Variants in EEA1 observed in about 807,000 individuals in gnomAD.
EEA1 encodes early endosome antigen 1.
In EEA1, 111 loss-of-function variants were observed where a neutral mutation model predicts 209.2. The ratio of observed to expected loss-of-function variants is 0.53; its 90% CI spans 0.45 to 0.62. The LOEUF is 0.62. Among genes scored for constraint, EEA1 ranks in the 20% least tolerant of loss-of-function variants. The pLI, the probability that EEA1 is intolerant of heterozygous loss-of-function variation, is 0.00. For synonymous variants in EEA1, 536 were observed against 540.6 expected, an observed-to-expected ratio of 0.99 and a Z score of 0.12; for missense variants, 1,343 against 1,530.8, an observed-to-expected ratio of 0.88 and a Z score of 2.05.
At chr12:92,801,571 G>T (rs1229301326) in intron 20 of EEA1, 29 bp downstream of exon 20, 1 of 1,443,864 alleles carries the variant, frequency 6.9e-7, no homozygotes, top group Non-Finnish European at 9.5e-7. Flanking sequence ...ATACTTTACA[G>T]ATTTTATGTT....
intron 8 of EEA1, among the ~76,000 whole-genome samples, chr12:92,851,700 A>G (rs1995169): frequency 0.061 from 9,314 of 152,242 alleles, 302 homozygotes; most frequent in Middle Eastern, 0.11. Context: ...TAAAGGAAAG[A>G]AAGTCAAGGA....
chr12:92,924,619 TAGTAA>T (rs1881138210), intron 1 of EEA1, among the ~76,000 whole-genome samples: 1 of 152,106 alleles, frequency 6.6e-6, no homozygotes, highest in South Asian at 2.1e-4. Flanking sequence ...ACTACACAGA[TAGTAA>T]ATGAAACAGG....
rs962493798 is a variant in EEA1, at chr12:92,793,163, C to T, written c.2968-5114G>A. On this transcript the variant is annotated intron_variant, in intron 21 of 28. Transcript: ENST00000322349. Reference sequence around the variant, plus strand: ...ACAAGAACTACTTATAGTAAACCCACAGCCAATATCATACTGAATGGGCAA... The same window carrying T: ...ACAAGAACTACTTATAGTAAACCCATAGCCAATATCATACTGAATGGGCAA... Among the ~76,000 whole-genome samples, 6 of 152,300 alleles carry T rather than the reference C, an allele frequency of 3.9e-5. No individual in the cohort carries two copies. The East Asian group carries it at 1.2e-3, about 29-fold the overall frequency.
At chr12:92,825,635 T>C (rs563418454) in intron 13 of EEA1, among the ~76,000 whole-genome samples, 68 of 152,114 alleles carry the variant, frequency 4.5e-4, no homozygotes, top group African/African-American at 1.5e-3. Flanking sequence ...AATTCCAGTG[T>C]TCAGATTATG....
intron 1 of EEA1, among the ~76,000 whole-genome samples, chr12:92,896,875 A>C (rs1295198600): frequency 1.3e-5 from 2 of 152,154 alleles, no homozygotes; most frequent in African/African-American, 4.8e-5. Context: ...ACCTTCCACA[A>C]GCAAAAAGAT....
intron 10 of EEA1, among the ~76,000 whole-genome samples, chr12:92,838,763 T>C (rs1465771296): frequency 6.6e-6 from 1 of 152,178 alleles, no homozygotes; most frequent in Admixed American, 6.5e-5. Flanking sequence ...TATATGAATG[T>C]TCATAGCTAT....
chr12:92,869,510 A>G (rs1265673334), intron 2 of EEA1, among the ~76,000 whole-genome samples: 1 of 151,696 alleles, frequency 6.6e-6, no homozygotes, highest in Non-Finnish European at 1.5e-5. Context: ...TTGGGAGGCC[A>G]AGGCAGGCCG....
At chr12:92,884,483 G>C (rs547784020) in intron 2 of EEA1, 4 of 1,485,794 alleles carry the variant, frequency 2.7e-6, no homozygotes, top group Non-Finnish European at 3.7e-6. Context: ...TAATGGATTT[G>C]GTAATGATGG....
chr12:92,873,874 T>C (rs1324693708), intron 2 of EEA1, among the ~76,000 whole-genome samples: 1 of 152,242 alleles, frequency 6.6e-6, no homozygotes, highest in African/African-American at 2.4e-5. Context: ...ACTTTAATTA[T>C]TCCTTTTGTT....
In EEA1 at chr12:92,906,431, T is replaced by C. The variant is rs189086065; in HGVS notation, c.25-14710A>G. 2.6e-3 allele frequency among the ~76,000 whole-genome samples: 392 copies of C among 152,186 alleles called. 3 individuals are homozygous for C. The highest frequency in any genetic ancestry group is 8.7e-3 in the African/African-American group (363 of 41,514). ...CTTTAAGCAAAATTCTTTCTAAAAC[T>C]GGAAAGGATACAAGTATTAGAAATT... On this transcript the variant is annotated intron_variant, in intron 1 of 28. Coordinates refer to ENST00000322349, the MANE Select transcript of EEA1 (RefSeq NM_003566.4).
chr12:92,787,642 T>G (rs554316464), intron 22 of EEA1, among the ~76,000 whole-genome samples: 1 of 152,266 alleles, frequency 6.6e-6, no homozygotes, highest in East Asian at 1.9e-4. Flanking sequence ...GTGTCACAAT[T>G]AAGATATATC....
At position 92,802,721 on chromosome 12, in the gene EEA1, T is replaced by C. The variant is rs145334527; in HGVS notation, c.2353A>G (p.Arg785Gly). The change falls in exon 19 of 29, where the codon AGA becomes GGA. Residue 785 changes from arginine (R) to glycine (G), a missense_variant. Arg to Gly is a moderately radical substitution (Grantham distance 125, BLOSUM62 -2). Coordinates refer to ENST00000322349, the MANE Select transcript of EEA1 (RefSeq NM_003566.4). ...EMEKEIVSST[R>G]LDLQKKSEAL... ...TCAGATTTTTTCTGTAGATCCAATC[T>C]TGTACTGGATACTCTAAATATTTAA... 1 of 1,577,454 alleles carries C rather than the reference T, an allele frequency of 6.3e-7. No individual in the cohort carries two copies. The highest frequency in any genetic ancestry group is 1.2e-5 in the South Asian group (1 of 82,814).
At chr12:92,806,370 A>C (rs1195139499) in intron 18 of EEA1, among the ~76,000 whole-genome samples, 1 of 152,208 alleles carries the variant, frequency 6.6e-6, no homozygotes, top group Non-Finnish European at 1.5e-5. Flanking sequence ...AACTGCCAAT[A>C]AACTTGAAGT....
At chr12:92,905,366 G>A (rs974215582) in intron 1 of EEA1, 20 of 152,086 alleles carry the variant, frequency 1.3e-4, no homozygotes, top group African/African-American at 4.6e-4. Context: ...GGGAGGCCAA[G>A]GCGTGCGGAT....
At chr12:92,795,566 G>A (rs1874622723) in intron 21 of EEA1, among the ~76,000 whole-genome samples, 1 of 152,192 alleles carries the variant, frequency 6.6e-6, no homozygotes, top group South Asian at 2.1e-4. Context: ...GCCTAGATAA[G>A]AGAAAAAGAA....
intron 18 of EEA1, among the ~76,000 whole-genome samples, chr12:92,807,658 T>TA (rs762106864): frequency 6.6e-6 from 1 of 152,142 alleles, no homozygotes; most frequent in South Asian, 2.1e-4. Context: ...AAATTAAATT[T>TA]AAAAAACAAT....
chr12:92,887,614 C>T (rs1327430183), intron 2 of EEA1, among the ~76,000 whole-genome samples: 3 of 151,986 alleles, frequency 2.0e-5, no homozygotes, highest in Non-Finnish European at 2.9e-5. Flanking sequence ...TATGACCACG[C>T]TCCAGCCCAG....
At chr12:92,791,680 C>T (rs1319617993) in intron 21 of EEA1, among the ~76,000 whole-genome samples, 1 of 152,154 alleles carries the variant, frequency 6.6e-6, no homozygotes, top group Non-Finnish European at 1.5e-5. Context: ...TAATGGGAGA[C>T]TTTAACACCT....
rs576296551 is a variant in EEA1 at position 92,848,071 on chromosome 12, G to T, written c.798+3040C>A. 2.0e-5 allele frequency among the ~76,000 whole-genome samples: 3 copies of T among 151,470 alleles called. No homozygotes were observed. In the East Asian group the frequency reaches 5.8e-4, roughly 29 times the overall value. ...ATTATTATTTTATTAAAAATATAAT[G>T]AAATATTAAATCACCTATTCAGTTA... On this transcript the variant is annotated intron_variant, in intron 9 of 28. Transcript: ENST00000322349.
Sources: gnomAD v4.1 joint callset for allele counts (sites outside exome capture counted in the v4.1 genomes callset) on GRCh38, gnomAD v4.1.1 for gene constraint, MANE v1.5 for transcripts, NCBI Gene and HGNC (gene_info 2026-07-23, HGNC 2026-07-21) for gene names.